Variants in JAKMIP3 observed in about 807,000 individuals in gnomAD.
JAKMIP3 encodes the protein janus kinase and microtubule-interacting protein 3.
A neutral mutation model predicts 118.5 loss-of-function variants in JAKMIP3; 58 were observed. The observed-to-expected ratio is 0.49, with a 90% confidence interval of 0.40 to 0.61. The LOEUF (loss-of-function observed/expected upper bound fraction) is 0.61, where lower values mean the gene tolerates loss of function less well. JAKMIP3 is among the 20% of genes least tolerant of loss of function. The pLI, the probability that JAKMIP3 is intolerant of heterozygous loss-of-function variation, is 0.00. For missense variants in JAKMIP3, 950 were observed against 1,109.0 expected (o/e 0.86, Z 2.04); for synonymous variants, 486 against 451.2 (o/e 1.08, Z -0.98).
chr10:132,091,495 C>T (rs1443286541), intron 1 of JAKMIP3, among the ~76,000 whole-genome samples: 2 of 152,218 alleles, frequency 1.3e-5, no homozygotes, highest in Non-Finnish European at 2.9e-5. Flanking sequence ...GTTAGCTCTT[C>T]TTGTTGAATT....
At position 132,168,326 on chromosome 10, in the gene JAKMIP3, T is replaced by C. The variant is rs910412787; in HGVS notation, c.*396T>C. 2.0e-5 allele frequency: 26 copies of C among 1,289,316 alleles called. No individual in the cohort carries two copies. In the African/African-American group the frequency reaches 2.4e-4, roughly 12 times the overall value. The allele number at this position is 1,289,316 out of a possible 1,614,324, so 79.9% of individuals were successfully genotyped here. A position where few individuals can be genotyped will look rare whatever the true frequency, so the allele number is the denominator to read the frequency against. On this transcript the variant is annotated 3_prime_UTR_variant, in exon 23 of 24. Transcript: ENST00000684848. The stretch of plus-strand genomic sequence containing the variant: ...CAGCCGCGGGTCCCCTCCTCTCTCT[T>C]GGTTCTCACAGTAGCTGCCACTGGT...
intron 23 of JAKMIP3, among the ~76,000 whole-genome samples, chr10:132,180,469 A>G (rs2060649585): frequency 3.5e-5 from 5 of 142,202 alleles, no homozygotes; most frequent in Admixed American, 6.9e-5. Flanking sequence ...AAGAGACGGA[A>G]CAGATGGGGT....
At chr10:132,076,443 C>T (rs1433857522) in intron 1 of JAKMIP3, among the ~76,000 whole-genome samples, 1 of 152,258 alleles carries the variant, frequency 6.6e-6, no homozygotes, top group African/African-American at 2.4e-5. Flanking sequence ...CGCTTTTTGG[C>T]AATTGTGAGT....
intron 23 of JAKMIP3, among the ~76,000 whole-genome samples, chr10:132,171,054 C>T (rs2059439140): frequency 6.6e-6 from 1 of 152,214 alleles, no homozygotes; most frequent in Non-Finnish European, 1.5e-5. Flanking sequence ...CCCGCTGGAG[C>T]ACCAGAAGCA....
At chr10:132,173,377 T>C (rs1038946448) in intron 23 of JAKMIP3, among the ~76,000 whole-genome samples, 1 of 151,000 alleles carries the variant, frequency 6.6e-6, no homozygotes, top group Non-Finnish European at 1.5e-5. Context: ...CTGTCTGCAA[T>C]GTACCTGCTC....
intron 1 of JAKMIP3, among the ~76,000 whole-genome samples, chr10:132,059,268 G>A (rs1368123952): frequency 6.6e-6 from 1 of 152,226 alleles, no homozygotes; most frequent in Non-Finnish European, 1.5e-5. Context: ...ATGGGGCATC[G>A]TGATGAAGCA....
intron 3 of JAKMIP3, among the ~76,000 whole-genome samples, chr10:132,131,463 G>A (rs762352420): frequency 6.6e-6 from 1 of 151,364 alleles, no homozygotes; most frequent in Non-Finnish European, 1.5e-5. Context: ...AAGGGGTGAG[G>A]GTGTCGGGCC....
At position 132,042,216 on chromosome 10, in the gene JAKMIP3, T is replaced by TTCCTTCC. The variant is rs1257478085; in HGVS notation, c.-138+5480_-138+5481insCTTCCTC. On this transcript the variant is annotated intron_variant, in intron 1 of 23. Transcript: ENST00000657785. ...CTTCCTTCCTTCCTTCCTTCCTTCC[T>TTCCTTCC]TCTTTCCTCCTCCTCCTTTCACAGG... is the stretch of plus-strand genomic sequence containing the variant. Among the ~76,000 whole-genome samples, 178 of 151,062 alleles carry TTCCTTCC rather than the reference T, an allele frequency of 1.2e-3. 1 individual carries two copies. The highest frequency in any genetic ancestry group is 4.1e-3 in the African/African-American group (167 of 40,836).
chr10:132,074,933 G>T (rs2040539079), intron 1 of JAKMIP3, among the ~76,000 whole-genome samples: 1 of 152,114 alleles, frequency 6.6e-6, no homozygotes, highest in African/African-American at 2.4e-5. Flanking sequence ...ATTGAAAAGG[G>T]TGTCATTTCC....
At chr10:132,170,311 CA>C (rs1231279074) in intron 23 of JAKMIP3, 1 of 152,384 alleles carries the variant, frequency 6.6e-6, no homozygotes, top group Non-Finnish European at 1.5e-5. Context: ...GGGAACGCCC[CA>C]CAGCACAACA....
At chr10:132,180,756 TGTGC>T (rs1554963447) in intron 23 of JAKMIP3, among the ~76,000 whole-genome samples, 368 of 31,072 alleles carry the variant, frequency 0.012, 81 homozygotes, top group Non-Finnish European at 0.012. Context: ...CGCGCGCGTG[TGTGC>T]GTGTGTGTGC....
At position 132,135,821 on chromosome 10, in the gene JAKMIP3, G is replaced by C. The variant is rs1030112451; in HGVS notation, c.970-109G>C. 11 of 1,186,146 alleles carry C rather than the reference G, an allele frequency of 9.3e-6. No individual in the cohort carries two copies. In the Admixed American group the frequency reaches 2.0e-4, roughly 22 times the overall value. The allele number at this position is 1,186,146 out of a possible 1,614,324, so 73.5% of individuals were successfully genotyped here. On this transcript the variant is annotated intron_variant, in intron 5 of 23. Transcript: ENST00000684848. ...GCGTGGACTTCCCAAGTAGAGGGCT[G>C]GGGACTGCGTTGTTGCAGCCCAAGC...
intron 1 of JAKMIP3, among the ~76,000 whole-genome samples, chr10:132,085,383 C>G (rs1360555335): frequency 6.6e-6 from 1 of 151,980 alleles, no homozygotes; most frequent in African/African-American, 2.4e-5. Flanking sequence ...CTTGAATGAT[C>G]TTTTGTATTT....
Position 132,142,120 on chromosome 10 carries a change from G to A in JAKMIP3, c.1602+72G>A, listed in dbSNP as rs1589930887. On this transcript the variant is annotated intron_variant, in intron 11 of 23. Transcript: ENST00000684848. The stretch of plus-strand genomic sequence containing the variant: ...CGCTTGACCCCGTGGCCTGGGCTGG[G>A]ACACCCCCCTCACTAGCCCTCCTGG... 4 of 1,487,476 alleles carry A rather than the reference G, an allele frequency of 2.7e-6. No individual in the cohort carries two copies. In the East Asian group the frequency reaches 7.3e-5, roughly 27 times the overall value. The allele number at this position is 1,487,476 out of a possible 1,614,324, so 92.1% of individuals were successfully genotyped here. A position where few individuals can be genotyped will look rare whatever the true frequency, so the allele number is the denominator to read the frequency against.
At chr10:132,067,864 G>A (rs1203693932) in intron 1 of JAKMIP3, among the ~76,000 whole-genome samples, 1 of 149,732 alleles carries the variant, frequency 6.7e-6, no homozygotes, top group African/African-American at 2.5e-5. Context: ...GCTTACGTGT[G>A]GACTGTGGGC....
chr10:132,041,877 T>C (rs1028584909), intron 1 of JAKMIP3, among the ~76,000 whole-genome samples: 2 of 152,114 alleles, frequency 1.3e-5, no homozygotes, highest in African/African-American at 2.4e-5. Flanking sequence ...TTCTTTTTTT[T>C]TTCTTTGAGA....
upstream of JAKMIP3, among the ~76,000 whole-genome samples, chr10:132,061,271 G>T (rs967190416): frequency 1.5e-5 from 2 of 136,716 alleles, no homozygotes; most frequent in Admixed American, 7.4e-5. Flanking sequence ...GTGATGGCGC[G>T]CACACACACC....
chr10:132,136,203 G>A (rs2051735315), intron 6 of JAKMIP3, 127 bp downstream of exon 6: 1 of 986,264 alleles, frequency 1.0e-6, no homozygotes, highest in Non-Finnish European at 1.5e-6. Flanking sequence ...TTCTGCTGGA[G>A]TCTGGCCTCA....
chr10:132,125,170 CCT>C (rs2135512920), intron 3 of JAKMIP3, among the ~76,000 whole-genome samples: 1 of 152,344 alleles, frequency 6.6e-6, no homozygotes, highest in East Asian at 1.9e-4. Context: ...GAAGTTGCCC[CCT>C]CTGTGTCGCT....
Sources: gnomAD v4.1 joint callset for allele counts (sites outside exome capture counted in the v4.1 genomes callset) on GRCh38, gnomAD v4.1.1 for gene constraint, MANE v1.5 for transcripts, NCBI Gene and HGNC (gene_info 2026-07-23, HGNC 2026-07-21) for gene names.